Variants in CAMK2D observed in about 807,000 individuals in gnomAD.
CAMK2D encodes calcium/calmodulin-dependent protein kinase type II subunit delta.
Under a neutral mutation model 84.0 loss-of-function variants are expected in CAMK2D, and 37 were observed. That is an observed-to-expected ratio of 0.44 (90% CI 0.34 to 0.58). The LOEUF is 0.58. Ranked by LOEUF, CAMK2D falls within the 20% of genes least tolerant of loss-of-function variation. The probability of loss-of-function intolerance (pLI) is 0.02; values close to 1 mark genes in which losing one functional copy is unlikely to be tolerated. For synonymous variants in CAMK2D, 202 were observed against 212.5 expected (o/e 0.95, Z 0.43); for missense variants, 448 against 652.5 (o/e 0.69, Z 3.41).
At chr4:113,460,819 G>A (rs2097364233) in intron 17 of CAMK2D, among the ~76,000 whole-genome samples, 1 of 151,932 alleles carries the variant, frequency 6.6e-6, no homozygotes, top group Non-Finnish European at 1.5e-5. Flanking sequence ...CCTAGTAGCT[G>A]GGAGTATTGG....
intron 9 of CAMK2D, among the ~76,000 whole-genome samples, chr4:113,515,959 A>G (rs1378279420): frequency 2.0e-5 from 3 of 152,226 alleles, no homozygotes; most frequent in African/African-American, 7.2e-5. Context: ...ACTTACTTTT[A>G]TATGATTAGC....
At chr4:113,703,923 CTT>C (rs11460715) in intron 2 of CAMK2D, among the ~76,000 whole-genome samples, 218 of 129,366 alleles carry the variant, frequency 1.7e-3, no homozygotes, top group African/African-American at 5.8e-3. Flanking sequence ...TTCTTATGAC[CTT>C]TTTTTTTTTT....
chr4:113,632,252 G>T (rs975322842), intron 3 of CAMK2D, among the ~76,000 whole-genome samples: 4 of 152,030 alleles, frequency 2.6e-5, no homozygotes, highest in Non-Finnish European at 4.4e-5. Context: ...TTGATATGGA[G>T]TTTCGCTCTT....
rs192311546 is a variant in CAMK2D at position 113,655,387 on chromosome 4, C to T, written c.220+6326G>A. ...AGAGGAGGTAATCATTGAGCTATGA[C>T]GTGATCTAGAAAGGTTAATTCATTC... On this transcript the variant is annotated intron_variant, in intron 3 of 20. Coordinates refer to ENST00000511664, the MANE Select transcript of CAMK2D (RefSeq NM_001321571.2). 2.2e-3 allele frequency among the ~76,000 whole-genome samples: 335 copies of T among 152,040 alleles called. 2 individuals carry two copies. The highest frequency in any genetic ancestry group is 2.0e-3 in the Non-Finnish European group (138 of 67,932).
chr4:113,660,446 G>A (rs1055885711), intron 3 of CAMK2D, among the ~76,000 whole-genome samples: 5 of 152,242 alleles, frequency 3.3e-5, no homozygotes, highest in African/African-American at 1.2e-4. Flanking sequence ...CACCCAGGCT[G>A]TCTGAAGTGC....
intron 3 of CAMK2D, among the ~76,000 whole-genome samples, chr4:113,659,685 A>G (rs1432154443): frequency 6.6e-6 from 1 of 152,156 alleles, no homozygotes; most frequent in East Asian, 1.9e-4. Flanking sequence ...GAGAAAATAA[A>G]TTTCTGTTGC....
chr4:113,756,531 T>A (rs2099628974), intron 2 of CAMK2D, among the ~76,000 whole-genome samples: 1 of 152,082 alleles, frequency 6.6e-6, no homozygotes, highest in Non-Finnish European at 1.5e-5. Flanking sequence ...TACATTTGCC[T>A]TTGAACGTAT....
At chr4:113,664,416 G>T (rs2099249627) in intron 2 of CAMK2D, among the ~76,000 whole-genome samples, 2 of 152,182 alleles carry the variant, frequency 1.3e-5, no homozygotes, top group South Asian at 4.1e-4. Flanking sequence ...CAAGGTGTCA[G>T]CCACGGCTGG....
chr4:113,508,473 T>C (rs1026719639), intron 13 of CAMK2D, among the ~76,000 whole-genome samples: 2 of 152,222 alleles, frequency 1.3e-5, no homozygotes, highest in Non-Finnish European at 2.9e-5. Context: ...TCTCCATCAC[T>C]GAACGGTACA....
At chr4:113,585,095 A>G (rs1007364584) in intron 4 of CAMK2D, among the ~76,000 whole-genome samples, 50 of 152,320 alleles carry the variant, frequency 3.3e-4, no homozygotes, top group African/African-American at 1.2e-3. Context: ...GTAGAGAAAC[A>G]TAATGTGTTC....
At chr4:113,664,805 AT>A (rs201297299) in intron 2 of CAMK2D, among the ~76,000 whole-genome samples, 1,832 of 145,232 alleles carry the variant, frequency 0.013, 32 homozygotes, top group East Asian at 0.029. Flanking sequence ...GCCACAGTAG[AT>A]TTTTTTTTTT....
At chr4:113,462,326 G>GTCTATCTATCTATCTATCTA (rs1462001963) in intron 17 of CAMK2D, among the ~76,000 whole-genome samples, 5 of 132,190 alleles carry the variant, frequency 3.8e-5, no homozygotes, top group Non-Finnish European at 6.6e-5. Flanking sequence ...CTGTCTGTCT[G>GTCTATCTATCTATCTATCTA]TCTGTCTGTC....
intron 16 of CAMK2D, among the ~76,000 whole-genome samples, chr4:113,474,672 G>A (rs2097583936): frequency 6.6e-6 from 1 of 151,922 alleles, no homozygotes; most frequent in African/African-American, 2.4e-5. Context: ...TTGAGAAGAA[G>A]TTTTGCTCTT....
chr4:113,493,348 A>C (rs1409691836), intron 16 of CAMK2D, among the ~76,000 whole-genome samples: 4 of 151,250 alleles, frequency 2.6e-5, no homozygotes, highest in Non-Finnish European at 5.9e-5. Flanking sequence ...GTGGTGACAA[A>C]ATCTCTCAGC....
At chr4:113,508,857 G>A (rs1441236999) in intron 13 of CAMK2D, among the ~76,000 whole-genome samples, 1 of 152,152 alleles carries the variant, frequency 6.6e-6, no homozygotes, top group African/African-American at 2.4e-5. Context: ...GAACGTTGAA[G>A]TGTTGATGAA....
In CAMK2D at chr4:113,669,710, C is replaced by T. The variant is rs1421099121; in HGVS notation, c.161-7938G>A. Among the ~76,000 whole-genome samples, 6 of 152,288 alleles carry T rather than the reference C, an allele frequency of 3.9e-5. No individual in the cohort carries two copies. In the South Asian group the frequency reaches 1.2e-3, roughly 32 times the overall value. On this transcript the variant is annotated intron_variant, in intron 2 of 20. Coordinates refer to ENST00000511664, the MANE Select transcript of CAMK2D (RefSeq NM_001321571.2). ...TCTGTTAACATGGCTATATCACTCA[C>T]TGCATGTTCCAAGATATGAAACATG...
At chr4:113,512,272 T>C (rs2098224771) in intron 12 of CAMK2D, among the ~76,000 whole-genome samples, 1 of 152,198 alleles carries the variant, frequency 6.6e-6, no homozygotes. Flanking sequence ...AAGAAGGAGG[T>C]TGCAAAACTC....
intron 3 of CAMK2D, among the ~76,000 whole-genome samples, chr4:113,632,277 G>T (rs2099092896): frequency 6.6e-6 from 1 of 152,114 alleles, no homozygotes; most frequent in Non-Finnish European, 1.5e-5. Flanking sequence ...AGGCTGGAGT[G>T]CAATGGCACA....
At chr4:113,487,573 A>C (rs1408257816) in intron 16 of CAMK2D, among the ~76,000 whole-genome samples, 2 of 152,082 alleles carry the variant, frequency 1.3e-5, no homozygotes, top group Non-Finnish European at 2.9e-5. Context: ...ATATTAAAGA[A>C]ATTTTGTATG....
Sources: allele counts gnomAD v4.1 joint callset (sites outside exome capture counted in the v4.1 genomes callset), GRCh38; gene constraint gnomAD v4.1.1; transcripts MANE v1.5; gene names NCBI Gene and HGNC (gene_info 2026-07-23, HGNC 2026-07-21).